ZCCHC17: variants seen among roughly 807,000 people sequenced by gnomAD.
The protein encoded by ZCCHC17 is zinc finger CCHC domain-containing protein 17.
In ZCCHC17, 18 loss-of-function variants were observed where a neutral mutation model predicts 30.6. That is an observed-to-expected ratio of 0.59 (90% CI 0.41 to 0.87). The LOEUF (loss-of-function observed/expected upper bound fraction) is 0.87. ZCCHC17 is among the 40% of genes least tolerant of loss of function. The pLI is 0.00. For missense variants in ZCCHC17, 263 were observed against 284.2 expected (o/e 0.93, Z 0.54); for synonymous variants, 88 against 92.4 (o/e 0.95, Z 0.27).
At chr1:31,336,134 G>A (rs1003798995) in intron 3 of ZCCHC17, among the ~76,000 whole-genome samples, 10 of 152,012 alleles carry the variant, frequency 6.6e-5, no homozygotes, top group Admixed American at 1.3e-4. Flanking sequence ...GTGCAGTGGC[G>A]CAATCTCAGC....
intron 2 of ZCCHC17, among the ~76,000 whole-genome samples, chr1:31,314,050 A>G (rs1331775659): frequency 6.6e-6 from 1 of 152,070 alleles, no homozygotes; most frequent in African/African-American, 2.4e-5. Context: ...TTTTTAGTAG[A>G]GACAGAGTTT....
intron 7 of ZCCHC17, among the ~76,000 whole-genome samples, chr1:31,349,723 C>CT (rs1445687649): frequency 6.6e-6 from 1 of 152,126 alleles, no homozygotes; most frequent in Non-Finnish European, 1.5e-5. Context: ...TAGTTTATAC[C>CT]TTTTTTTCAT....
chr1:31,337,941 T>C (rs1354130590), intron 4 of ZCCHC17, among the ~76,000 whole-genome samples: 1 of 152,152 alleles, frequency 6.6e-6, no homozygotes, highest in Non-Finnish European at 1.5e-5. Context: ...CCAGCTATTA[T>C]GGAGTTAATA....
chr1:31,317,028 T>C (rs999574647), intron 2 of ZCCHC17, among the ~76,000 whole-genome samples: 2 of 145,892 alleles, frequency 1.4e-5, no homozygotes, highest in African/African-American at 2.5e-5. Context: ...TTTTTTCTTT[T>C]TTTTTTTTTT....
rs962249653 is a variant in ZCCHC17 at position 31,348,858 on chromosome 1, C to G, written c.448C>G (p.Pro150Ala). Reference protein sequence around the residue: ...GHFAKDCFMQPGGTKYSLIPD... With the variant: ...GHFAKDCFMQAGGTKYSLIPD... The stretch of plus-strand genomic sequence containing the variant: ...CTTTGCAAAAGATTGTTTCATGCAA[C>G]CAGGTGGGACTAAATACTCTCTGAT... The change falls in exon 7 of 8, where the codon CCA (proline) becomes GCA (alanine). Residue 150 changes from proline to alanine, a missense_variant. Physicochemically the swap from Pro to Ala is conservative, Grantham distance 27 (BLOSUM62 -1). Coordinates refer to ENST00000344147, the MANE Select transcript of ZCCHC17 (RefSeq NM_016505.4). 6.2e-7 allele frequency: 1 copy of G among 1,612,786 alleles called. No homozygotes were observed. The highest frequency in any genetic ancestry group is 8.5e-7 in the Non-Finnish European group (1 of 1,180,020).
chr1:31,297,189 G>A (rs544776103), intron 1 of ZCCHC17, 114 bp downstream of exon 1: 136 of 400,986 alleles, frequency 3.4e-4, no homozygotes, highest in African/African-American at 2.6e-3. Flanking sequence ...AGGGGTGGGA[G>A]GCGGGCCCCG....
chr1:31,322,877 A>G (rs1419945242), intron 3 of ZCCHC17, among the ~76,000 whole-genome samples: 1 of 152,098 alleles, frequency 6.6e-6, no homozygotes, highest in East Asian at 1.9e-4. Flanking sequence ...GTGCACCACC[A>G]TGCCTGGCTA....
At chr1:31,329,717 G>A (rs1310399877) in intron 3 of ZCCHC17, among the ~76,000 whole-genome samples, 1 of 152,154 alleles carries the variant, frequency 6.6e-6, no homozygotes, top group Admixed American at 6.5e-5. Flanking sequence ...GGTATAGTGG[G>A]TGGGTGTTCA....
At chr1:31,303,980 C>T (rs1417335297) in intron 1 of ZCCHC17, among the ~76,000 whole-genome samples, 1 of 152,200 alleles carries the variant, frequency 6.6e-6, no homozygotes, top group African/African-American at 2.4e-5. Context: ...AGCTTAGACT[C>T]TGACCTCACT....
intron 3 of ZCCHC17, among the ~76,000 whole-genome samples, chr1:31,331,441 C>T (rs748749173): frequency 6.6e-6 from 1 of 151,906 alleles, no homozygotes; most frequent in Non-Finnish European, 1.5e-5. Context: ...CCAGCGTGCC[C>T]GTCCTGTATC....
chr1:31,354,490 A>G (rs1326593294), intron 7 of ZCCHC17, among the ~76,000 whole-genome samples: 1 of 152,004 alleles, frequency 6.6e-6, no homozygotes, highest in Non-Finnish European at 1.5e-5. Context: ...TGCTGCCTTG[A>G]CGTCCTGGGC....
At chr1:31,355,303 C>T (rs1639606044) in intron 7 of ZCCHC17, among the ~76,000 whole-genome samples, 1 of 151,904 alleles carries the variant, frequency 6.6e-6, no homozygotes, top group Non-Finnish European at 1.5e-5. Context: ...CCCACTATTT[C>T]TACCAAGATA....
intron 3 of ZCCHC17, among the ~76,000 whole-genome samples, chr1:31,332,227 C>G (rs932684846): frequency 3.3e-5 from 5 of 152,180 alleles, no homozygotes; most frequent in African/African-American, 1.2e-4. Flanking sequence ...CATCTGCATG[C>G]TAAAGACTCC....
chr1:31,345,211 C>T (rs1013674197), intron 5 of ZCCHC17, among the ~76,000 whole-genome samples: 12 of 151,780 alleles, frequency 7.9e-5, no homozygotes, highest in African/African-American at 2.7e-4. Context: ...GGCTGGAGTG[C>T]AGTGGCGCAA....
chr1:31,335,435 G>A (rs567683316), intron 3 of ZCCHC17, among the ~76,000 whole-genome samples: 8 of 152,316 alleles, frequency 5.3e-5, no homozygotes, highest in Middle Eastern at 3.4e-3. Flanking sequence ...GAGTGCAGTG[G>A]TGCCATCACA....
intron 3 of ZCCHC17, among the ~76,000 whole-genome samples, chr1:31,329,353 C>T (rs1229637096): frequency 6.7e-6 from 1 of 150,306 alleles, no homozygotes; most frequent in Non-Finnish European, 1.5e-5. Context: ...TTATAAAGTT[C>T]TTTTTTTTTT....
rs750787016 is a variant in ZCCHC17, at chr1:31,339,010, G to T, written c.279G>T (p.Gly93=). 1.9e-6 allele frequency: 3 copies of T among 1,612,646 alleles called. No individual in the cohort carries two copies. Among genetic ancestry groups the T allele is most frequent in the East Asian group, 4.5e-5 (2 of 44,834 alleles). Reference sequence around the variant, plus strand: ...TCTCCATGAAGGTTGTCAATCAAGGGACTGGGAAAGACCTTGATCCCAACA... The same window carrying T: ...TCTCCATGAAGGTTGTCAATCAAGGTACTGGGAAAGACCTTGATCCCAACA... The part of the protein sequence containing the change: ...VSLSMKVVNQ[G]TGKDLDPNNV... The change falls in exon 5 of 8, where the codon GGG becomes GGT. Residue 93 remains glycine, a synonymous_variant. Coordinates refer to ENST00000344147, the MANE Select transcript of ZCCHC17 (RefSeq NM_016505.4).
intron 5 of ZCCHC17, among the ~76,000 whole-genome samples, chr1:31,346,232 G>A (rs961314249): frequency 2.0e-5 from 3 of 152,136 alleles, no homozygotes; most frequent in African/African-American, 4.8e-5. Context: ...TCTTTGGCCA[G>A]AGCATATTGT....
At chr1:31,360,830 T>G (rs1175978287) in intron 7 of ZCCHC17, among the ~76,000 whole-genome samples, 2 of 152,210 alleles carry the variant, frequency 1.3e-5, no homozygotes, top group Non-Finnish European at 2.9e-5. Context: ...AGTTTTTCCA[T>G]CTGTAAAATG....
Sources: allele counts gnomAD v4.1 joint callset (sites outside exome capture counted in the v4.1 genomes callset), GRCh38; gene constraint gnomAD v4.1.1; transcripts MANE v1.5; gene names NCBI Gene and HGNC (gene_info 2026-07-23, HGNC 2026-07-21).